COL4A4: variants seen among roughly 807,000 people sequenced by gnomAD.
COL4A4 encodes the protein collagen alpha-4(IV) chain.
Under a neutral mutation model 192.9 loss-of-function variants are expected in COL4A4, and 105 were observed. That is an observed-to-expected ratio of 0.54 (90% CI 0.46 to 0.64). The LOEUF is 0.64. Among genes scored for constraint, COL4A4 ranks in the 30% least tolerant of loss-of-function variants. COL4A4 has a pLI of 0.00. For missense variants in COL4A4, 1,967 were observed against 2,169.3 expected (o/e 0.91, Z 1.85); for synonymous variants, 762 against 769.9 (o/e 0.99, Z 0.17).
intron 25 of COL4A4, among the ~76,000 whole-genome samples, chr2:227,064,720 G>A (rs985188057): frequency 1.3e-5 from 2 of 152,154 alleles, no homozygotes; most frequent in African/African-American, 4.8e-5. Context: ...AAAGGGATTG[G>A]CATCCTATCT....
intron 3 of COL4A4, among the ~76,000 whole-genome samples, chr2:227,144,032 A>T (rs2063388965): frequency 6.6e-6 from 1 of 152,230 alleles, no homozygotes; most frequent in Non-Finnish European, 1.5e-5. Flanking sequence ...AGAGTGATTT[A>T]AACCAAGTCA....
intron 35 of COL4A4, among the ~76,000 whole-genome samples, 188 bp downstream of exon 35, chr2:227,047,287 C>A (rs1432220925): frequency 2.0e-5 from 3 of 151,972 alleles, no homozygotes; most frequent in South Asian, 2.1e-4. Context: ...TAGTATGTAA[C>A]CCTGGTGTTC....
At chr2:227,044,689 A>G (rs1199942931) in intron 35 of COL4A4, among the ~76,000 whole-genome samples, 1 of 152,154 alleles carries the variant, frequency 6.6e-6, no homozygotes, top group Non-Finnish European at 1.5e-5. Context: ...AATTTGCACT[A>G]TATTTTCTCT....
intron 1 of COL4A4, among the ~76,000 whole-genome samples, chr2:227,149,684 A>C (rs2063790223): frequency 1.3e-5 from 2 of 152,260 alleles, no homozygotes; most frequent in Admixed American, 1.3e-4. Flanking sequence ...AGGTATTTAC[A>C]TTTTGATCCC....
intron 44 of COL4A4, among the ~76,000 whole-genome samples, chr2:227,015,850 G>A (rs1040068939): frequency 2.6e-5 from 4 of 152,170 alleles, no homozygotes; most frequent in African/African-American, 9.7e-5. Flanking sequence ...GTATGCCTAG[G>A]ATGATCGTGC....
intron 4 of COL4A4, among the ~76,000 whole-genome samples, chr2:227,136,066 CTA>C (rs2062794677): frequency 6.6e-6 from 1 of 152,196 alleles, no homozygotes; most frequent in Non-Finnish European, 1.5e-5. Flanking sequence ...GGTAGGCAAA[CTA>C]TATTTCAAGG....
intron 37 of COL4A4, among the ~76,000 whole-genome samples, chr2:227,037,089 G>T (rs13423046): frequency 0.47 from 70,492 of 151,502 alleles, 16,565 homozygotes; most frequent in South Asian, 0.56. Context: ...GCCATTTTAT[G>T]ATGATGATGA....
At chr2:227,150,763 T>G (rs2063878231) in intron 1 of COL4A4, among the ~76,000 whole-genome samples, 1 of 152,074 alleles carries the variant, frequency 6.6e-6, no homozygotes, top group Admixed American at 6.6e-5. Flanking sequence ...GAGAACTCAC[T>G]CACTGTCACA....
At chr2:227,082,307 C>T (rs1432831524) in intron 22 of COL4A4, 120 bp from the exon 23 acceptor site, 22 of 947,540 alleles carry the variant, frequency 2.3e-5, no homozygotes, top group Non-Finnish European at 3.2e-5. Context: ...TCTAGCTTGG[C>T]ATTCTTGGTC....
At position 227,089,612 on chromosome 2, in the gene COL4A4, T is replaced by TATATATATATAC. The variant is rs1383778504; in HGVS notation, c.1459+255_1459+256insGTATATATATAT. Among the ~76,000 whole-genome samples, 30 of 141,872 alleles carry TATATATATATAC rather than the reference T, an allele frequency of 2.1e-4. 2 individuals are homozygous for TATATATATATAC. The highest frequency in any genetic ancestry group is 3.5e-4 in the Non-Finnish European group (23 of 65,788). 93.1% of individuals were successfully genotyped at this position (141,872 alleles called of 152,430 possible). ...CCATATATATATATATATATATACA[T>TATATATATATAC]ACATATATATAAATATATAAGACAC... On this transcript the variant is annotated intron_variant, in intron 21 of 47. Transcript: ENST00000396625.
chr2:227,127,437 G>A (rs1015724811), intron 4 of COL4A4, among the ~76,000 whole-genome samples: 2 of 152,236 alleles, frequency 1.3e-5, no homozygotes, highest in African/African-American at 2.4e-5. Flanking sequence ...GGAGATGAGA[G>A]CAGACACAGA....
the COL4A4 span, among the ~76,000 whole-genome samples, chr2:226,984,948 G>A: frequency 1.3e-5 from 2 of 150,624 alleles, no homozygotes; most frequent in Non-Finnish European, 3.0e-5. Flanking sequence ...GGGGAGGAGG[G>A]GCAGAAGCAA....
rs530032778 is a variant in COL4A4 at position 227,065,489 on chromosome 2, T to C, written c.1988-2891A>G. Among the ~76,000 whole-genome samples, 1,496 of 152,288 alleles carry C rather than the reference T, an allele frequency of 9.8e-3. 13 individuals carry two copies. Among genetic ancestry groups the C allele is most frequent in the Non-Finnish European group, 0.015 (1,010 of 68,028 alleles). On this transcript the variant is annotated intron_variant, in intron 25 of 47. Transcript: ENST00000396625. ...GACTTAAATGTCCCTGTCTGACAGC[T>C]TTGAAGAGAGCAGTGGTTCTCCCAG...
intron 7 of COL4A4, among the ~76,000 whole-genome samples, chr2:227,117,469 A>G (rs2061549619): frequency 6.6e-6 from 1 of 152,218 alleles, no homozygotes; most frequent in African/African-American, 2.4e-5. Context: ...ACCAGAAGAA[A>G]AATGTGAGTA....
At chr2:227,118,924 A>C (rs56153742) in intron 6 of COL4A4, among the ~76,000 whole-genome samples, 163 bp from the exon 7 acceptor site, 3 of 152,234 alleles carry the variant, frequency 2.0e-5, no homozygotes, top group Non-Finnish European at 2.9e-5. Flanking sequence ...GCATGTAAAA[A>C]TAAAACCTAA....
At chr2:226,981,845 G>T in the COL4A4 span, among the ~76,000 whole-genome samples, 1 of 152,114 alleles carries the variant, frequency 6.6e-6, no homozygotes, top group African/African-American at 2.4e-5. Context: ...GAGAGCAAGG[G>T]CTCCTGCTTG....
chr2:227,084,276 A>G (rs2059470503), intron 22 of COL4A4, among the ~76,000 whole-genome samples: 1 of 152,204 alleles, frequency 6.6e-6, no homozygotes, highest in African/African-American at 2.4e-5. Context: ...CTGAAGAATA[A>G]ATTATCAGGA....
chr2:227,135,456 T>C (rs2062751778), intron 4 of COL4A4, among the ~76,000 whole-genome samples: 1 of 152,186 alleles, frequency 6.6e-6, no homozygotes. Flanking sequence ...ATTTGAACTA[T>C]GTGAGATTAC....
chr2:226,995,466 C>T, the COL4A4 span: 10 of 1,613,174 alleles, frequency 6.2e-6, no homozygotes, highest in African/African-American at 8.0e-5. Flanking sequence ...CTACGGGTTT[C>T]ATCTCTCACC....
Sources: allele counts gnomAD v4.1 joint callset (sites outside exome capture counted in the v4.1 genomes callset), GRCh38; gene constraint gnomAD v4.1.1; transcripts MANE v1.5; gene names NCBI Gene and HGNC (gene_info 2026-07-23, HGNC 2026-07-21).